ARHGAP6: variants seen among roughly 807,000 people sequenced by gnomAD.
ARHGAP6 encodes rho GTPase-activating protein 6.
ARHGAP6 carries 16 observed loss-of-function variants against 55.7 expected under a neutral mutation model. The observed-to-expected ratio is 0.29, with a 90% CI of 0.19 to 0.44. ARHGAP6 has a LOEUF of 0.44. Ranked by LOEUF, ARHGAP6 falls within the 20% of genes least tolerant of loss-of-function variation. ARHGAP6 has a pLI of 1.00. For synonymous variants in ARHGAP6, 382 were observed against 360.9 expected (o/e 1.06, Z -0.66); for missense variants, 698 against 808.9 (o/e 0.86, Z 1.66).
At chrX:11,273,986 C>T (rs2047723521) in intron 1 of ARHGAP6, among the ~76,000 whole-genome samples, 1 of 111,213 alleles carries the variant, frequency 9.0e-6, no homozygotes, top group African/African-American at 3.3e-5. Flanking sequence ...AAGCACAGGG[C>T]AGTCAAGTAA....
intron 1 of ARHGAP6, among the ~76,000 whole-genome samples, chrX:11,479,896 T>G (rs2050439350): frequency 9.0e-6 from 1 of 111,272 alleles, no homozygotes; most frequent in South Asian, 3.8e-4. Context: ...TCTGGCCAGG[T>G]GATCCCCCTT....
At chrX:11,614,171 G>A (rs1161533699) in intron 1 of ARHGAP6, among the ~76,000 whole-genome samples, 1 of 111,467 alleles carries the variant, frequency 9.0e-6, no homozygotes, top group Non-Finnish European at 1.9e-5. Context: ...ACACAAGCAG[G>A]ATCACACCCC....
At chrX:11,148,616 A>T (rs1479613887) in intron 10 of ARHGAP6, 2 of 365,710 alleles carry the variant, frequency 5.5e-6, no homozygotes, top group African/African-American at 5.1e-5. Context: ...ATGGAGAGCG[A>T]GTCACATTCT....
chrX:11,361,316 A>G (rs2049007637), intron 1 of ARHGAP6, among the ~76,000 whole-genome samples: 1 of 110,339 alleles, frequency 9.1e-6, no homozygotes, highest in African/African-American at 3.3e-5. Flanking sequence ...ATATAGATCA[A>G]TGGAATAGAA....
intron 1 of ARHGAP6, among the ~76,000 whole-genome samples, chrX:11,441,474 A>G (rs1035095055): frequency 3.6e-5 from 4 of 111,782 alleles, no homozygotes; most frequent in African/African-American, 1.3e-4. Flanking sequence ...TGGTTCACAA[A>G]GTGAGAAGCC....
chrX:11,625,163 C>T (rs917746088), intron 1 of ARHGAP6, among the ~76,000 whole-genome samples: 1 of 111,402 alleles, frequency 9.0e-6, no homozygotes, highest in Non-Finnish European at 1.9e-5. Flanking sequence ...GCTGGATATA[C>T]ATCCAAAAGA....
At chrX:11,521,896 A>C (rs1244069988) in intron 1 of ARHGAP6, among the ~76,000 whole-genome samples, 2 of 111,321 alleles carry the variant, frequency 1.8e-5, no homozygotes, top group Non-Finnish European at 3.8e-5. Context: ...TTGGATTCCT[A>C]GGTATTTTAT....
intron 1 of ARHGAP6, among the ~76,000 whole-genome samples, chrX:11,356,971 T>C (rs2048937912): frequency 8.9e-6 from 1 of 111,783 alleles, no homozygotes; most frequent in African/African-American, 3.2e-5. Flanking sequence ...AGAGCATAAT[T>C]AATGGAGGGA....
At chrX:11,160,740 G>A (rs778424016) in intron 9 of ARHGAP6, among the ~76,000 whole-genome samples, 1 of 111,679 alleles carries the variant, frequency 9.0e-6, no homozygotes, top group South Asian at 3.7e-4. Context: ...TAATTACTGA[G>A]GTCTATTTTA....
At chrX:11,621,744 A>T (rs1195699044) in intron 1 of ARHGAP6, among the ~76,000 whole-genome samples, 4 of 111,610 alleles carry the variant, frequency 3.6e-5, no homozygotes, top group Non-Finnish European at 7.5e-5. Context: ...TTGAACATTA[A>T]TATCCAAGAG....
intron 1 of ARHGAP6, among the ~76,000 whole-genome samples, chrX:11,480,992 T>C (rs2050450992): frequency 8.9e-6 from 1 of 112,218 alleles, no homozygotes; most frequent in Middle Eastern, 4.6e-3. Context: ...AATCAGCTGA[T>C]CTTTTAGGCA....
At chrX:11,516,672 G>A (rs780823273) in intron 1 of ARHGAP6, among the ~76,000 whole-genome samples, 1 of 112,065 alleles carries the variant, frequency 8.9e-6, no homozygotes, top group Non-Finnish European at 1.9e-5. Context: ...AAAAACTGAG[G>A]ACTTGGGAGT....
chrX:11,514,933 A>T (rs1212873500), intron 1 of ARHGAP6, among the ~76,000 whole-genome samples: 5 of 110,511 alleles, frequency 4.5e-5, no homozygotes, highest in African/African-American at 6.6e-5. Flanking sequence ...TGAGGCTTTG[A>T]ATTCCACCCT....
intron 2 of ARHGAP6, among the ~76,000 whole-genome samples, chrX:11,225,422 G>C (rs1402203328): frequency 9.0e-6 from 1 of 110,991 alleles, no homozygotes; most frequent in African/African-American, 3.3e-5. Context: ...TTGAAACCAA[G>C]AATTAGGACA....
chrX:11,383,971 A>G (rs1031279389), intron 1 of ARHGAP6, among the ~76,000 whole-genome samples: 1 of 111,810 alleles, frequency 8.9e-6, no homozygotes, highest in African/African-American at 3.3e-5. Context: ...TTGAAAGGAA[A>G]GTAAATAAAA....
At chrX:11,452,105 T>C (rs925871612) in intron 1 of ARHGAP6, among the ~76,000 whole-genome samples, 1 of 112,515 alleles carries the variant, frequency 8.9e-6, no homozygotes, top group African/African-American at 3.2e-5. Flanking sequence ...ATCTATTAGA[T>C]GTCTATTATG....
At chrX:11,587,413 A>T (rs2051747670) in intron 1 of ARHGAP6, among the ~76,000 whole-genome samples, 1 of 111,957 alleles carries the variant, frequency 8.9e-6, no homozygotes, top group Non-Finnish European at 1.9e-5. Flanking sequence ...GAAGGAAAAG[A>T]TTCTTTCTAG....
intron 1 of ARHGAP6, chrX:11,265,936 A>T: frequency 1.0e-6 from 1 of 953,576 alleles, no homozygotes. Flanking sequence ...TTTTCATCGG[A>T]TCATTGAGAA....
chrX:11,555,332 C>T (rs760031605), intron 1 of ARHGAP6, among the ~76,000 whole-genome samples: 3 of 111,255 alleles, frequency 2.7e-5, no homozygotes, highest in Middle Eastern at 4.6e-3. Flanking sequence ...ATGCTTAATA[C>T]GTAAATATTG....
Sources: gnomAD v4.1 joint callset for allele counts (sites outside exome capture counted in the v4.1 genomes callset) on GRCh38, gnomAD v4.1.1 for gene constraint, MANE v1.5 for transcripts, NCBI Gene and HGNC (gene_info 2026-07-23, HGNC 2026-07-21) for gene names.